ATXN2: variants seen among roughly 807,000 people sequenced by gnomAD.
ATXN2 encodes ataxin-2.
Under a neutral mutation model 138.6 loss-of-function variants are expected in ATXN2, and 37 were observed. That is an observed-to-expected ratio of 0.27 (90% CI 0.21 to 0.35). The LOEUF (loss-of-function observed/expected upper bound fraction) is 0.35. Ranked by LOEUF, ATXN2 falls within the 10% of genes least tolerant of loss-of-function variation. The pLI is 1.00. For missense variants in ATXN2, 1,216 were observed against 1,480.3 expected (o/e 0.82, Z 2.93); for synonymous variants, 549 against 543.7 (o/e 1.01, Z -0.13).
chr12:111,459,623 T>C (rs1875405368), intron 21 of ATXN2, among the ~76,000 whole-genome samples: 2 of 152,086 alleles, frequency 1.3e-5, no homozygotes, highest in African/African-American at 4.8e-5. Flanking sequence ...GTATTTTTAG[T>C]AGAGACGGGT....
At chr12:111,482,424 G>C (rs1349221834) in intron 18 of ATXN2, among the ~76,000 whole-genome samples, 2 of 151,730 alleles carry the variant, frequency 1.3e-5, no homozygotes, top group Non-Finnish European at 2.9e-5. Flanking sequence ...TTGATCTCCT[G>C]ACCTCGTGAT....
At chr12:111,476,165 T>C (rs1340278256) in intron 18 of ATXN2, among the ~76,000 whole-genome samples, 1 of 152,132 alleles carries the variant, frequency 6.6e-6, no homozygotes, top group African/African-American at 2.4e-5. Context: ...ATCACCCAGG[T>C]TGGTCTTGAA....
intron 1 of ATXN2, among the ~76,000 whole-genome samples, chr12:111,562,510 C>T (rs931645035): frequency 1.3e-5 from 2 of 151,834 alleles, no homozygotes; most frequent in African/African-American, 4.8e-5. Flanking sequence ...CACCTGAGGT[C>T]GGGAGTTGGA....
At chr12:111,577,561 G>A (rs374071812) in intron 1 of ATXN2, among the ~76,000 whole-genome samples, 95 of 151,734 alleles carry the variant, frequency 6.3e-4, no homozygotes, top group East Asian at 1.2e-3. Flanking sequence ...CACCGGGCCC[G>A]GCCCGCATGT....
chr12:111,581,344 A>T (rs1342542279), intron 1 of ATXN2: 2 of 572,168 alleles, frequency 3.5e-6, no homozygotes, highest in African/African-American at 3.7e-5. Flanking sequence ...GAACCACCCC[A>T]GCAACCCGAC....
At chr12:111,592,611 T>C (rs747729571) in intron 1 of ATXN2, among the ~76,000 whole-genome samples, 2 of 151,110 alleles carry the variant, frequency 1.3e-5, no homozygotes, top group African/African-American at 4.9e-5. Flanking sequence ...GGTGAAACCC[T>C]GTCTCTACTA....
intron 21 of ATXN2, among the ~76,000 whole-genome samples, chr12:111,459,858 C>T (rs2283356): frequency 0.072 from 10,839 of 150,760 alleles, 1,336 homozygotes; most frequent in East Asian, 0.57. Flanking sequence ...GCTTCAGCCT[C>T]TGAGTAGCTG....
chr12:111,531,559 T>A (rs1380250861), intron 5 of ATXN2, among the ~76,000 whole-genome samples: 1 of 151,438 alleles, frequency 6.6e-6, no homozygotes, highest in Non-Finnish European at 1.5e-5. Context: ...TCATCTGTTC[T>A]AACTGAATTG....
intron 14 of ATXN2, among the ~76,000 whole-genome samples, chr12:111,501,135 G>A (rs1431356685): frequency 6.6e-6 from 1 of 151,878 alleles, no homozygotes; most frequent in East Asian, 1.9e-4. Flanking sequence ...TGAATAATAC[G>A]TCTACTATGT....
chr12:111,474,450 GAA>G (rs1174753493), intron 18 of ATXN2, among the ~76,000 whole-genome samples: 1 of 151,848 alleles, frequency 6.6e-6, no homozygotes. Flanking sequence ...GACAAGACAA[GAA>G]AAGAAAAGCT....
At chr12:111,484,526 G>A (rs780520256) in intron 18 of ATXN2, among the ~76,000 whole-genome samples, 27 of 152,006 alleles carry the variant, frequency 1.8e-4, no homozygotes, top group Non-Finnish European at 2.9e-4. Flanking sequence ...CCTGCCTCCC[G>A]GGTTCAAGCA....
At chr12:111,565,482 T>C (rs1882948984) in intron 1 of ATXN2, among the ~76,000 whole-genome samples, 1 of 152,212 alleles carries the variant, frequency 6.6e-6, no homozygotes, top group Non-Finnish European at 1.5e-5. Flanking sequence ...ATTTTACAAT[T>C]GTAAATAATA....
At chr12:111,485,225 C>A in intron 18 of ATXN2, 40 bp downstream of exon 18, 1 of 1,557,112 alleles carries the variant, frequency 6.4e-7, no homozygotes, top group Non-Finnish European at 8.8e-7. Context: ...ATTCATGCAG[C>A]ATGCAAACTA....
intron 20 of ATXN2, 137 bp downstream of exon 20, chr12:111,469,971 T>G: frequency 9.7e-7 from 1 of 1,031,168 alleles, no homozygotes; most frequent in African/African-American, 1.6e-5. Flanking sequence ...GGCAAAGAAA[T>G]GGGTTCATCT....
At chr12:111,537,116 G>T (rs1881231506) in intron 5 of ATXN2, among the ~76,000 whole-genome samples, 1 of 151,958 alleles carries the variant, frequency 6.6e-6, no homozygotes. Flanking sequence ...ACTGTTCGCA[G>T]CAGGATTATG....
At chr12:111,524,287 A>T (rs1880355534) in intron 6 of ATXN2, among the ~76,000 whole-genome samples, 1 of 152,192 alleles carries the variant, frequency 6.6e-6, no homozygotes, top group African/African-American at 2.4e-5. Flanking sequence ...GTCATTATTA[A>T]GCTGTTATGC....
intron 2 of ATXN2, 70 bp downstream of exon 2, chr12:111,555,813 T>G: frequency 1.5e-6 from 2 of 1,305,342 alleles, no homozygotes; most frequent in Non-Finnish European, 2.1e-6. Flanking sequence ...TGCCTTGGCA[T>G]TTGGTCTGTG....
intron 18 of ATXN2, among the ~76,000 whole-genome samples, chr12:111,480,436 G>A (rs1877143583): frequency 6.6e-6 from 1 of 152,118 alleles, no homozygotes; most frequent in African/African-American, 2.4e-5. Flanking sequence ...GCCTCCCAGG[G>A]TGCCAGGAGA....
At chr12:111,580,431 G>A (rs1221178655) in intron 1 of ATXN2, among the ~76,000 whole-genome samples, 11 of 151,064 alleles carry the variant, frequency 7.3e-5, no homozygotes, top group Middle Eastern at 3.5e-3. Flanking sequence ...CCAAGAATTC[G>A]AGGTTACACA....
Sources: gnomAD v4.1 joint callset for allele counts (sites outside exome capture counted in the v4.1 genomes callset) on GRCh38, gnomAD v4.1.1 for gene constraint, MANE v1.5 for transcripts, NCBI Gene and HGNC (gene_info 2026-07-23, HGNC 2026-07-21) for gene names.